The following LLGL2 variants were observed in gnomAD, a reference collection of about 807,000 sequenced individuals.
The protein encoded by LLGL2 is LLGL2, scribble cell polarity complex component.
LLGL2 carries 81 observed loss-of-function variants against 123.2 expected under a neutral mutation model. The observed-to-expected ratio is 0.66, with a 90% CI of 0.55 to 0.79. The LOEUF (loss-of-function observed/expected upper bound fraction) is 0.79, where lower values mean the gene tolerates loss of function less well. Ranked by LOEUF, LLGL2 falls within the 30% of genes least tolerant of loss-of-function variation. The pLI is 0.00. For missense variants in LLGL2, 1,273 were observed against 1,414.6 expected (o/e 0.90, Z 1.61); for synonymous variants, 577 against 594.1 (o/e 0.97, Z 0.42).
rs1291681134 is a variant in LLGL2 at position 75,525,937 on chromosome 17, G to T, written c.-31+112G>T. 1.3e-5 allele frequency: 2 copies of T among 152,106 alleles called. 1 individual carries two copies. The highest frequency in any genetic ancestry group is 4.8e-5 in the African/African-American group (2 of 41,416). 9.4% of individuals were successfully genotyped at this position (152,106 alleles called of 1,614,324 possible). A position where few individuals can be genotyped will look rare whatever the true frequency, so the allele number is the denominator to read the frequency against. ...CTGGGCTGTCGGGCCAGGGCGGGAG[G>T]GCTGCGCCCAGGTCCGCGCGCCTCG... On this transcript the variant is annotated intron_variant, in intron 1 of 25. Coordinates refer to ENST00000392550, the MANE Select transcript of LLGL2 (RefSeq NM_001031803.2). This position sits in a 1 kb window ranked among gnomAD's most constrained non-coding sequence, Gnocchi z 4.8.
chr17:75,565,020 C>T (rs931154586), intron 10 of LLGL2, among the ~76,000 whole-genome samples: 4 of 152,220 alleles, frequency 2.6e-5, no homozygotes, highest in African/African-American at 9.7e-5. Flanking sequence ...CCCAGCCCAG[C>T]CACACCTCCT....
At position 75,525,765 on chromosome 17, in the gene LLGL2, G is replaced by C. The variant is rs1328902193; in HGVS notation, c.-91G>C. 1 of 137,948 alleles carries C rather than the reference G, an allele frequency of 7.2e-6. No individual in the cohort carries two copies. The highest frequency in any genetic ancestry group is 7.0e-5 in the Admixed American group (1 of 14,188). The allele number at this position is 137,948 out of a possible 1,614,324, so 8.5% of individuals were successfully genotyped here. A position where few individuals can be genotyped will look rare whatever the true frequency, so the allele number is the denominator to read the frequency against. ...TGGGCAGGCGCGGCGGAGCGAGCGG[G>C]GCCGGCGGCGGGCGCCGAGGGACGC... On this transcript the variant is annotated 5_prime_UTR_variant, in exon 1 of 26. Coordinates refer to ENST00000392550, the MANE Select transcript of LLGL2 (RefSeq NM_001031803.2). The surrounding 1 kb of genome is among the most constrained non-coding windows in gnomAD (Gnocchi z 4.8).
At chr17:75,573,308 G>T in intron 20 of LLGL2, 30 bp downstream of exon 20, 4 of 1,578,416 alleles carry the variant, frequency 2.5e-6, no homozygotes, top group Non-Finnish European at 3.5e-6. Flanking sequence ...TGGGTGTCGG[G>T]GCCCCGGGCA....
At chr17:75,535,390 C>T (rs2053962231) in intron 1 of LLGL2, among the ~76,000 whole-genome samples, 2 of 152,338 alleles carry the variant, frequency 1.3e-5, no homozygotes, top group Non-Finnish European at 2.9e-5. Context: ...GCGCTGGGTG[C>T]GGCCCGGGGG....
At chr17:75,548,263 G>A (rs2054512264) in intron 2 of LLGL2, among the ~76,000 whole-genome samples, 1 of 146,260 alleles carries the variant, frequency 6.8e-6, no homozygotes, top group African/African-American at 2.5e-5. Flanking sequence ...TTTACAGAAG[G>A]ACAATTTTTT....
At chr17:75,530,377 G>A (rs950314001) in intron 1 of LLGL2, among the ~76,000 whole-genome samples, 3 of 152,090 alleles carry the variant, frequency 2.0e-5, no homozygotes, top group South Asian at 2.1e-4. Context: ...TCAGCCAGGC[G>A]CGGTGTCTCA....
rs572111781 is a variant in LLGL2, at chr17:75,574,505, C to T, written c.2996+10C>T. ...TGGAGGGAGACCGCGGGTGAGGCAC[C>T]GCCCAGGCCAGCTGGGGTGGGCCCG... On this transcript the variant is annotated intron_variant, in intron 24 of 25. Coordinates refer to ENST00000392550, the MANE Select transcript of LLGL2 (RefSeq NM_001031803.2). 432 of 1,563,896 alleles carry T rather than the reference C, an allele frequency of 2.8e-4. 3 individuals carry two copies. In the South Asian group the frequency reaches 4.5e-3, roughly 16 times the overall value.
chr17:75,557,735 C>T (rs2054980479), intron 3 of LLGL2: 1 of 333,674 alleles, frequency 3.0e-6, no homozygotes, highest in South Asian at 2.4e-5. Flanking sequence ...CAGCCAGACT[C>T]TAGTTACCAA....
chr17:75,568,417 CCA>C (rs1348513225), intron 10 of LLGL2, 57 bp from the exon 11 acceptor site: 1 of 1,564,366 alleles, frequency 6.4e-7, no homozygotes, highest in East Asian at 2.3e-5. Flanking sequence ...GCTTCTGATT[CCA>C]CAGAGCTGGG....
intron 3 of LLGL2, chr17:75,557,761 C>G: frequency 2.9e-6 from 1 of 342,946 alleles, no homozygotes; most frequent in Non-Finnish European, 5.8e-6. Flanking sequence ...GGTGCCAAGA[C>G]TAATGGGCCA....
chr17:75,569,140 A>G lies in LLGL2; in HGVS notation c.1476+9A>G, dbSNP rs1349543150. The G allele has an allele frequency of 6.2e-7, 1 of 1,613,282 alleles. No individual in the cohort carries two copies. The highest frequency in any genetic ancestry group is 1.7e-5 in the Admixed American group (1 of 59,994). On this transcript the variant is annotated intron_variant, in intron 13 of 25. Transcript: ENST00000392550. ...GGCCCCCACTCCGCAAGGTGAGGCC[A>G]GGAGCCTGGGACCCAGGAAGGGCAG...
chr17:75,557,054 T>C (rs1311150098), intron 3 of LLGL2, among the ~76,000 whole-genome samples: 1 of 124,926 alleles, frequency 8.0e-6, no homozygotes, highest in Non-Finnish European at 1.8e-5. Flanking sequence ...TTTTTTTTTT[T>C]TTTTTGTGGA....
At chr17:75,535,794 G>C (rs1462982022) in intron 1 of LLGL2, among the ~76,000 whole-genome samples, 1 of 152,236 alleles carries the variant, frequency 6.6e-6, no homozygotes, top group Non-Finnish European at 1.5e-5. Context: ...TTTGTGGCCT[G>C]TCACCAAGTG....
At chr17:75,526,707 T>C (rs1379983902) in intron 1 of LLGL2, among the ~76,000 whole-genome samples, 2 of 151,994 alleles carry the variant, frequency 1.3e-5, no homozygotes, top group African/African-American at 4.8e-5. Flanking sequence ...CTGGAGTTTG[T>C]AGTTCAAGAG....
chr17:75,562,222 A>G (rs976342945), intron 6 of LLGL2: 10 of 152,126 alleles, frequency 6.6e-5, no homozygotes, highest in African/African-American at 2.2e-4. Context: ...GGCCAGGCCA[A>G]CTCACACAGA....
chr17:75,559,314 A>C lies in LLGL2; in HGVS notation c.434A>C (p.Tyr145Ser). Reference sequence around the variant, plus strand: ...CCACATTCCTCCTGCGAGCTGCTCTACCTGGGCACCGAGAGTGGCAACGTG... The same window carrying C: ...CCACATTCCTCCTGCGAGCTGCTCTCCCTGGGCACCGAGAGTGGCAACGTG... ...VLPHSSCELL[Y>S]LGTESGNVFV... is the part of the protein sequence containing the mutation. Residue 145 changes from tyrosine (Y) to serine (S), a missense_variant, in exon 6 of 26, where the codon TAC becomes TCC. Tyr to Ser is a moderately radical substitution (Grantham distance 144). Transcript: ENST00000392550. This position sits in a 1 kb window ranked among gnomAD's most constrained non-coding sequence, Gnocchi z 4.6. The C allele has an allele frequency of 6.2e-7, 1 of 1,613,420 alleles. No homozygotes were observed. The highest frequency in any genetic ancestry group is 1.1e-5 in the South Asian group (1 of 91,058).
intron 1 of LLGL2, among the ~76,000 whole-genome samples, chr17:75,532,080 T>TACACACACACACACACAC (rs1444218695): frequency 5.0e-4 from 14 of 28,222 alleles, no homozygotes; most frequent in Non-Finnish European, 1.1e-3. Context: ...ACACACACTT[T>TACACACACACACACACAC]TTTTTTTTTT....
chr17:75,545,253 G>C (rs1281963702), intron 2 of LLGL2, among the ~76,000 whole-genome samples: 2 of 152,116 alleles, frequency 1.3e-5, no homozygotes, highest in Middle Eastern at 3.2e-3. Context: ...TCCCAGGCCT[G>C]GGGGTGGCAG....
At chr17:75,570,639 TCAGACA>T in intron 16 of LLGL2, 141 bp downstream of exon 16, 1 of 1,029,904 alleles carries the variant, frequency 9.7e-7, no homozygotes, top group Non-Finnish European at 1.4e-6. Context: ...TTGTGTGACC[TCAGACA>T]GGTCACGCTG....
Sources: gnomAD v4.1 joint callset for allele counts (sites outside exome capture counted in the v4.1 genomes callset) on GRCh38, gnomAD v4.1.1 for gene constraint, Gnocchi (gnomAD v3.1) non-coding constraint, MANE v1.5 for transcripts, NCBI Gene and HGNC (gene_info 2026-07-23, HGNC 2026-07-21) for gene names.